ABHD2: variants seen among roughly 807,000 people sequenced by gnomAD.
The protein encoded by ABHD2 is monoacylglycerol lipase ABHD2.
A neutral mutation model predicts 48.1 loss-of-function variants in ABHD2; 20 were observed. The ratio of observed to expected loss-of-function variants is 0.42; its 90% CI spans 0.29 to 0.60. The LOEUF is 0.60. ABHD2 is among the 20% of genes least tolerant of loss of function. The pLI, the probability that ABHD2 is intolerant of heterozygous loss-of-function variation, is 0.24. For synonymous variants in ABHD2, 209 were observed against 214.2 expected (o/e 0.98, Z 0.21); for missense variants, 405 against 550.9 (o/e 0.74, Z 2.65).
intron 4 of ABHD2, among the ~76,000 whole-genome samples, chr15:89,152,077 G>GTTTT: frequency 7.1e-6 from 1 of 139,930 alleles, no homozygotes; most frequent in East Asian, 2.2e-4. Flanking sequence ...TTGTAGAATA[G>GTTTT]TTTTTTTTTT....
intron 1 of ABHD2, among the ~76,000 whole-genome samples, chr15:89,096,985 C>T (rs2049623027): frequency 6.6e-6 from 1 of 152,228 alleles, no homozygotes; most frequent in South Asian, 2.1e-4. Context: ...TTATTTTCCA[C>T]AGGCAACTCA....
At chr15:89,156,687 A>T (rs934613099) in intron 5 of ABHD2, among the ~76,000 whole-genome samples, 5 of 149,644 alleles carry the variant, frequency 3.3e-5, no homozygotes, top group Admixed American at 6.7e-5. Flanking sequence ...ATGCCACTAC[A>T]CTCCAGCCTG....
At chr15:89,183,553 C>CA (rs1256727773) in intron 6 of ABHD2, among the ~76,000 whole-genome samples, 4 of 151,768 alleles carry the variant, frequency 2.6e-5, no homozygotes, top group Non-Finnish European at 5.9e-5. Flanking sequence ...TACTAAAACT[C>CA]AATCTTAGCC....
chr15:89,097,760 A>G lies in ABHD2; in HGVS notation c.-107+9197A>G, dbSNP rs1328646465. 1.3e-5 allele frequency among the ~76,000 whole-genome samples: 2 copies of G among 152,128 alleles called. No homozygotes were observed. The highest frequency in any genetic ancestry group is 2.9e-5 in the Non-Finnish European group (2 of 68,012). On this transcript the variant is annotated intron_variant, in intron 1 of 10. Transcript: ENST00000352732. This position sits in a 1 kb window ranked among gnomAD's most constrained non-coding sequence, Gnocchi z 4.2. ...TTGTATATTTTTTCAGAGATCTTTT[A>G]TGTGTGTCCCAGCAAATGTGTATGC...
chr15:89,114,663 G>T lies in ABHD2; in HGVS notation c.-7+839G>T, dbSNP rs1257362610. ...ACGCCCGGCAAATTTTTGTATTTTT[G>T]GTAGAGACAGGATTTCACCATGTTG... On this transcript the variant is annotated intron_variant, in intron 2 of 10. Coordinates refer to ENST00000352732, the MANE Select transcript of ABHD2 (RefSeq NM_152924.5). This position sits in a 1 kb window ranked among gnomAD's most constrained non-coding sequence, Gnocchi z 4.2. Among the ~76,000 whole-genome samples, 1 of 151,770 alleles carries T rather than the reference G, an allele frequency of 6.6e-6. No homozygotes were observed. The highest frequency in any genetic ancestry group is 1.5e-5 in the Non-Finnish European group (1 of 67,920).
chr15:89,191,395 A>G (rs1294868991), intron 9 of ABHD2, among the ~76,000 whole-genome samples: 1 of 152,140 alleles, frequency 6.6e-6, no homozygotes, highest in Admixed American at 6.6e-5. Context: ...AAAGTGCTCC[A>G]ACACCCACTT....
rs2051165670 is a variant in ABHD2, at chr15:89,184,068, A to C, written c.723-1356A>C. Among the ~76,000 whole-genome samples, 1 of 152,164 alleles carries C rather than the reference A, an allele frequency of 6.6e-6. No individual in the cohort carries two copies. Among genetic ancestry groups the C allele is most frequent in the Non-Finnish European group, 1.5e-5 (1 of 68,028 alleles). ...GCGGGGGTTGGCTGCACATTTATGC[A>C]GTGGCCTTTTGACCCTTCAGGGTGG... On this transcript the variant is annotated intron_variant, in intron 6 of 10. Coordinates refer to ENST00000352732, the MANE Select transcript of ABHD2 (RefSeq NM_152924.5). The surrounding 1 kb of genome is among the most constrained non-coding windows in gnomAD (Gnocchi z 5.1).
chr15:89,058,719 C>T, the ABHD2 span, among the ~76,000 whole-genome samples: 1 of 152,182 alleles, frequency 6.6e-6, no homozygotes, highest in South Asian at 2.1e-4. Context: ...GTGGAGCCCC[C>T]TCATGTCCAA....
At chr15:89,127,715 A>ATATATATATATATG (rs1368210065) in intron 3 of ABHD2, among the ~76,000 whole-genome samples, 2 of 86,734 alleles carry the variant, frequency 2.3e-5, no homozygotes, top group South Asian at 4.9e-4. Flanking sequence ...ACATATATAT[A>ATATATATATATATG]TATACACATA....
At chr15:89,127,301 C>G (rs990887527) in intron 3 of ABHD2, among the ~76,000 whole-genome samples, 1 of 152,148 alleles carries the variant, frequency 6.6e-6, no homozygotes, top group Non-Finnish European at 1.5e-5. Context: ...GGCTTAACTT[C>G]TGAGGTAGCC....
the ABHD2 span, among the ~76,000 whole-genome samples, chr15:89,074,968 C>T: frequency 6.6e-6 from 1 of 152,258 alleles, no homozygotes; most frequent in East Asian, 1.9e-4. Flanking sequence ...GGAGAAAAAG[C>T]CTCATTCCCT....
At chr15:89,115,912 A>G (rs2049952445) in intron 2 of ABHD2, among the ~76,000 whole-genome samples, 1 of 152,202 alleles carries the variant, frequency 6.6e-6, no homozygotes, top group African/African-American at 2.4e-5. Context: ...AAGCCTACAG[A>G]GAGGAAAAAA....
chr15:89,071,517 G>A, the ABHD2 span, among the ~76,000 whole-genome samples: 2 of 152,320 alleles, frequency 1.3e-5, no homozygotes, highest in African/African-American at 4.8e-5. Context: ...GCAACCACTT[G>A]CAAACAGCAT....
rs1490294119 is a variant in ABHD2 at position 89,146,296 on chromosome 15, T to C, written c.195-5381T>C. Among the ~76,000 whole-genome samples the C allele has an allele frequency of 6.6e-6, 1 of 151,858 alleles. No individual in the cohort carries two copies. The highest frequency in any genetic ancestry group is 2.4e-5 in the African/African-American group (1 of 41,328). On this transcript the variant is annotated intron_variant, in intron 3 of 10. Transcript: ENST00000352732. The surrounding 1 kb of genome is among the most constrained non-coding windows in gnomAD (Gnocchi z 4.2). ...CATCAGTCAACTTTATTTTTTCAAC[T>C]CTCTTTTTAAAACACCAGCTGTCCG...
At chr15:89,062,551 C>A in the ABHD2 span, among the ~76,000 whole-genome samples, 1 of 151,918 alleles carries the variant, frequency 6.6e-6, no homozygotes, top group African/African-American at 2.4e-5. Context: ...AACACCACAC[C>A]TAAGTTTTGT....
chr15:89,162,873 T>C lies in ABHD2; in HGVS notation c.538+7339T>C, dbSNP rs77919500. On this transcript the variant is annotated intron_variant, in intron 5 of 10. Coordinates refer to ENST00000352732, the MANE Select transcript of ABHD2 (RefSeq NM_152924.5). ...GCAGTTTTCGCACTCCCTGCTGTAG[T>C]TCCCCAGTGTCTAGAATCCTGCTTG... Among the ~76,000 whole-genome samples the C allele has an allele frequency of 3.1e-3, 474 of 152,362 alleles. 2 individuals are homozygous for C. The highest frequency in any genetic ancestry group is 0.011 in the African/African-American group (449 of 41,584).
chr15:89,103,002 G>A (rs554159775), intron 1 of ABHD2, among the ~76,000 whole-genome samples: 1 of 152,344 alleles, frequency 6.6e-6, no homozygotes, highest in East Asian at 1.9e-4. Flanking sequence ...ACGGACGGGA[G>A]AGAGGAACAC....
At chr15:89,061,245 C>G in the ABHD2 span, among the ~76,000 whole-genome samples, 1 of 152,078 alleles carries the variant, frequency 6.6e-6, no homozygotes, top group African/African-American at 2.4e-5. Context: ...TGGTGAAACC[C>G]CATCTCTACT....
chr15:89,157,809 C>G (rs1187263849), intron 5 of ABHD2, among the ~76,000 whole-genome samples: 1 of 151,774 alleles, frequency 6.6e-6, no homozygotes, highest in Non-Finnish European at 1.5e-5. Flanking sequence ...CGCCACTGCA[C>G]TCCAGCCTTG....
Sources: allele counts gnomAD v4.1 joint callset (sites outside exome capture counted in the v4.1 genomes callset), GRCh38; gene constraint gnomAD v4.1.1; non-coding constraint Gnocchi (gnomAD v3.1); transcripts MANE v1.5; gene names NCBI Gene and HGNC (gene_info 2026-07-23, HGNC 2026-07-21).